The following TLN2 variants were observed in gnomAD, a reference collection of about 807,000 sequenced individuals.
TLN2 encodes the protein talin 2.
TLN2 carries 118 observed loss-of-function variants against 294.7 expected under a neutral mutation model. That is an observed-to-expected ratio of 0.40 (90% CI 0.34 to 0.47). The LOEUF is 0.47. TLN2 is among the 20% of genes least tolerant of loss of function. The pLI is 0.84. For synonymous variants in TLN2, 1,431 were observed against 1,304.5 expected (o/e 1.10, Z -2.09); for missense variants, 3,083 against 3,282.2 (o/e 0.94, Z 1.48).
chr15:62,491,379 C>T (rs1211174483), intron 1 of TLN2, among the ~76,000 whole-genome samples: 2 of 128,446 alleles, frequency 1.6e-5, no homozygotes, highest in African/African-American at 6.7e-5. Flanking sequence ...CACACACACA[C>T]ACACACACAC....
intron 46 of TLN2, among the ~76,000 whole-genome samples, chr15:62,793,959 GCT>G (rs1272398320): frequency 2.6e-5 from 4 of 151,896 alleles, no homozygotes; most frequent in Admixed American, 6.6e-5. Flanking sequence ...AGCCCACAGG[GCT>G]GTCCAGCCTC....
At chr15:62,609,244 T>C (rs1008160194) in intron 2 of TLN2, among the ~76,000 whole-genome samples, 2 of 152,182 alleles carry the variant, frequency 1.3e-5, no homozygotes, top group South Asian at 2.1e-4. Context: ...ACCATTTGAT[T>C]GTAAGTTGGT....
At chr15:62,588,750 A>G (rs2045859836) in intron 1 of TLN2, among the ~76,000 whole-genome samples, 1 of 145,768 alleles carries the variant, frequency 6.9e-6, no homozygotes, top group African/African-American at 2.5e-5. Context: ...ACACCAAAAT[A>G]TGCAACTATA....
intron 9 of TLN2, among the ~76,000 whole-genome samples, chr15:62,660,421 G>T (rs2053686134): frequency 6.6e-6 from 1 of 152,176 alleles, no homozygotes. Context: ...GTGCTAGAGA[G>T]AGACAGAGAC....
intron 1 of TLN2, among the ~76,000 whole-genome samples, chr15:62,538,296 A>T (rs181516563): frequency 6.6e-6 from 1 of 152,170 alleles, no homozygotes; most frequent in Non-Finnish European, 1.5e-5. Context: ...CCATTCTTCC[A>T]TCAAGAGCTC....
At chr15:62,545,279 TGGG>T (rs1314415022) in intron 1 of TLN2, among the ~76,000 whole-genome samples, 1 of 151,978 alleles carries the variant, frequency 6.6e-6, no homozygotes, top group Non-Finnish European at 1.5e-5. Flanking sequence ...ACAGAAAAAT[TGGG>T]GGGTGAAGAA....
At chr15:62,702,403 C>A (rs1486923681) in intron 18 of TLN2, among the ~76,000 whole-genome samples, 1 of 152,186 alleles carries the variant, frequency 6.6e-6, no homozygotes, top group East Asian at 1.9e-4. Context: ...TAAAGGCCTC[C>A]CCCTCAAGGG....
intron 1 of TLN2, among the ~76,000 whole-genome samples, chr15:62,428,585 A>C (rs1037943462): frequency 3.3e-5 from 5 of 152,180 alleles, no homozygotes; most frequent in African/African-American, 1.2e-4. Context: ...GGGTTGATTA[A>C]GTTTTGCTTT....
intron 20 of TLN2, 69 bp from the exon 21 acceptor site, chr15:62,708,433 T>C (rs1396352361): frequency 6.5e-7 from 1 of 1,536,254 alleles, no homozygotes; most frequent in Non-Finnish European, 8.9e-7. Flanking sequence ...TTGATGGGAC[T>C]GCGGGGGCAC....
chr15:62,460,043 G>A (rs532788684), intron 1 of TLN2, among the ~76,000 whole-genome samples: 72 of 152,304 alleles, frequency 4.7e-4, no homozygotes, highest in African/African-American at 1.7e-3. Context: ...GAGCAGAGTT[G>A]CGGCTTCAGA....
Position 62,835,745 on chromosome 15 carries a change from C to T in TLN2, c.7137C>T (p.Ser2379=), listed in dbSNP as rs751409298. The T allele has an allele frequency of 3.7e-6, 6 of 1,614,180 alleles. No individual in the cohort carries two copies. The highest frequency in any genetic ancestry group is 4.2e-6 in the Non-Finnish European group (5 of 1,180,034). ...TCGACTCTACTCTCTAGGTGGGCTC[C>T]ATCCCTGCCAATGCTGCAGACGACG... The part of the protein sequence containing the change: ...RELVAQGKVG[S]IPANAADDGQ... Residue 2379 remains serine (S), a synonymous_variant, in exon 56 of 59, where the codon TCC becomes TCT. Transcript: ENST00000636159.
chr15:62,585,916 C>T (rs2045562997), intron 1 of TLN2, among the ~76,000 whole-genome samples: 1 of 152,156 alleles, frequency 6.6e-6, no homozygotes, highest in East Asian at 1.9e-4. Context: ...AGCTGGAGCG[C>T]AAGGGAGCTC....
chr15:62,708,591 C>G lies in TLN2; in HGVS notation c.2262C>G (p.Val754=). ...TGGACCGCTCGGTGGAGAACTGTGTCCGTGCCTGCCAGGCGGCCACTACCG... is the reference window on the plus strand; with the variant it reads ...TGGACCGCTCGGTGGAGAACTGTGTGCGTGCCTGCCAGGCGGCCACTACCG... ...KLVDRSVENC[V]RACQAATTDS... The change falls in exon 21 of 59, where the codon GTC becomes GTG. Residue 754 remains valine, a synonymous_variant. Transcript: ENST00000636159. The G allele has an allele frequency of 6.2e-7, 1 of 1,614,186 alleles. No homozygotes were observed. Among genetic ancestry groups the G allele is most frequent in the Non-Finnish European group, 8.5e-7 (1 of 1,180,046 alleles).
chr15:62,600,111 T>G (rs1320887737), intron 2 of TLN2, among the ~76,000 whole-genome samples: 1 of 152,184 alleles, frequency 6.6e-6, no homozygotes, highest in Non-Finnish European at 1.5e-5. Context: ...TGTGAGTTTT[T>G]GCTGCTTGTA....
chr15:62,709,483 C>G (rs2141123152), intron 21 of TLN2, among the ~76,000 whole-genome samples: 1 of 152,286 alleles, frequency 6.6e-6, no homozygotes, highest in East Asian at 1.9e-4. Context: ...AGACACGTTC[C>G]CTGCTGAGCC....
chr15:62,555,311 GACTC>G (rs1057016776), intron 1 of TLN2, among the ~76,000 whole-genome samples: 1 of 152,162 alleles, frequency 6.6e-6, no homozygotes, highest in African/African-American at 2.4e-5. Flanking sequence ...TTTATGAAAA[GACTC>G]AGTTGAAGTG....
At chr15:62,480,674 C>A (rs777892978) in intron 1 of TLN2, among the ~76,000 whole-genome samples, 1 of 152,182 alleles carries the variant, frequency 6.6e-6, no homozygotes, top group Non-Finnish European at 1.5e-5. Context: ...TGGTAAGCTG[C>A]CAGTGCTTCC....
At position 62,841,188 on chromosome 15, in the gene TLN2, C is replaced by A. The variant is rs1256678703; in HGVS notation, c.*578C>A. ...CCGCCCCTGTTTGCACGCTTTCTTG[C>A]CTCCGTGTGTAAGCTCCTTGTACAA... On this transcript the variant is annotated 3_prime_UTR_variant, in exon 59 of 59. Transcript: ENST00000636159. 1 of 152,764 alleles carries A rather than the reference C, an allele frequency of 6.5e-6. No individual in the cohort carries two copies. Among genetic ancestry groups the A allele is most frequent in the Non-Finnish European group, 1.5e-5 (1 of 68,182 alleles). 9.5% of individuals were successfully genotyped at this position (152,764 alleles called of 1,614,324 possible).
At chr15:62,470,099 T>C (rs2037382278) in intron 1 of TLN2, among the ~76,000 whole-genome samples, 1 of 152,198 alleles carries the variant, frequency 6.6e-6, no homozygotes, top group South Asian at 2.1e-4. Flanking sequence ...GACAAAGGGT[T>C]TCAGCAACTA....
Sources: gnomAD v4.1 joint callset for allele counts (sites outside exome capture counted in the v4.1 genomes callset) on GRCh38, gnomAD v4.1.1 for gene constraint, MANE v1.5 for transcripts, NCBI Gene and HGNC (gene_info 2026-07-23, HGNC 2026-07-21) for gene names.